Variants in RAB6A observed in about 807,000 individuals in gnomAD.
RAB6A encodes RAB6A, member RAS oncogene family.
In RAB6A, 8 loss-of-function variants were observed where a neutral mutation model predicts 32.3. That is an observed-to-expected ratio of 0.25 (90% CI 0.15 to 0.45). RAB6A has a LOEUF of 0.45. Ranked by LOEUF, RAB6A falls within the 20% of genes least tolerant of loss-of-function variation. The pLI is 1.00. For missense variants in RAB6A, 104 were observed against 249.4 expected, an observed-to-expected ratio of 0.42 and a Z score of 3.93; for synonymous variants, 73 against 82.1, an observed-to-expected ratio of 0.89 and a Z score of 0.60.
chr11:73,703,451 A>T (rs367688764), intron 6 of RAB6A, among the ~76,000 whole-genome samples: 9 of 152,244 alleles, frequency 5.9e-5, no homozygotes, highest in African/African-American at 2.2e-4. Flanking sequence ...TGACAATTAA[A>T]AAATTTCTGG....
chr11:73,759,956 C>CTCGGTG, intron 1 of RAB6A: 2 of 1,151,570 alleles, frequency 1.7e-6, no homozygotes, highest in Admixed American at 2.4e-5. Flanking sequence ...ATGCTCAAGT[C>CTCGGTG]GTCTCCAATT....
In RAB6A at chr11:73,676,709, G is replaced by C. The variant is rs1389193913; in HGVS notation, c.*1189C>G. On this transcript the variant is annotated 3_prime_UTR_variant, in exon 8 of 8. Transcript: ENST00000336083. ...TCCCTCTACTATGTATGCTTTACCT[G>C]ATCTGCCTCTAGGGGCTTACAAGAA... is the stretch of plus-strand genomic sequence containing the variant. 1 of 166,996 alleles carries C rather than the reference G, an allele frequency of 6.0e-6. No homozygotes were observed. The highest frequency in any genetic ancestry group is 1.5e-5 in the Non-Finnish European group (1 of 68,114). The allele number at this position is 166,996 out of a possible 1,614,324, so 10.3% of individuals were successfully genotyped here.
chr11:73,728,412 T>C (rs757569319), intron 2 of RAB6A, among the ~76,000 whole-genome samples: 28 of 152,064 alleles, frequency 1.8e-4, no homozygotes, highest in Non-Finnish European at 2.6e-4. Context: ...AATGATCATG[T>C]GATTTTGTCC....
chr11:73,690,913 C>T (rs1423671776), intron 6 of RAB6A, among the ~76,000 whole-genome samples: 16 of 146,382 alleles, frequency 1.1e-4, no homozygotes, highest in African/African-American at 3.8e-4. Context: ...AAACCCAAAA[C>T]ACGAACAGCC....
chr11:73,710,879 A>G (rs1262393645), intron 5 of RAB6A, among the ~76,000 whole-genome samples: 1 of 151,858 alleles, frequency 6.6e-6, no homozygotes, highest in Non-Finnish European at 1.5e-5. Flanking sequence ...TTCCTTTGGG[A>G]ATAGAGGTGT....
At chr11:73,714,209 A>AAATATATATATATATATATAT (rs35864471) in intron 5 of RAB6A, among the ~76,000 whole-genome samples, 1 of 57,572 alleles carries the variant, frequency 1.7e-5, no homozygotes, top group African/African-American at 6.2e-5. Context: ...AAAAAAAAAA[A>AAATATATATATATATATATAT]ATATATATAT....
intron 1 of RAB6A, among the ~76,000 whole-genome samples, chr11:73,736,824 A>AAAAAAAAAAAAAAAAC (rs1555066487): frequency 9.0e-5 from 13 of 144,596 alleles, no homozygotes; most frequent in East Asian, 2.0e-4. Flanking sequence ...AAAAAAAAAA[A>AAAAAAAAAAAAAAAAC]AACAATTAGC....
chr11:73,692,773 T>C (rs1315465346), intron 6 of RAB6A, among the ~76,000 whole-genome samples: 2 of 118,918 alleles, frequency 1.7e-5, no homozygotes, highest in East Asian at 5.0e-4. Context: ...TGAAACCCTG[T>C]CTCTACTAAA....
intron 1 of RAB6A, among the ~76,000 whole-genome samples, chr11:73,740,236 A>G (rs1946473655): frequency 6.6e-6 from 1 of 152,196 alleles, no homozygotes; most frequent in South Asian, 2.1e-4. Flanking sequence ...ATAAAAAATT[A>G]ATCCGCTATG....
intron 4 of RAB6A, among the ~76,000 whole-genome samples, chr11:73,717,630 G>A (rs556931822): frequency 6.6e-6 from 1 of 152,296 alleles, no homozygotes; most frequent in African/African-American, 2.4e-5. Context: ...TTTTAGTAGA[G>A]ATGGAGTTTC....
Position 73,685,885 on chromosome 11 carries a change from C to CAAAAA in RAB6A, c.496-6170_496-6166dup, listed in dbSNP as rs56270679. Among the ~76,000 whole-genome samples the CAAAAA allele has an allele frequency of 5.5e-3, 566 of 102,898 alleles. 38 individuals carry two copies. The highest frequency in any genetic ancestry group is 0.018 in the African/African-American group (400 of 22,238). The allele number at this position is 102,898 out of a possible 152,430, so 67.5% of individuals were successfully genotyped here. On this transcript the variant is annotated intron_variant, in intron 6 of 7. Coordinates refer to ENST00000336083, the MANE Select transcript of RAB6A (RefSeq NM_198896.2). Reference sequence around the variant, plus strand: ...AGGCAACAAGAGTGAAACTCCGTCTCAAAAAAAAAAAAAAAAAAAAAAAGC... The same window carrying CAAAAA: ...AGGCAACAAGAGTGAAACTCCGTCTCAAAAAAAAAAAAAAAAAAAAAAAAAAAAGC...
At chr11:73,756,799 G>C (rs1011528184) in intron 1 of RAB6A, among the ~76,000 whole-genome samples, 73 of 152,192 alleles carry the variant, frequency 4.8e-4, no homozygotes, top group African/African-American at 1.8e-3. Flanking sequence ...TCAGCCTCCT[G>C]AGTAGCTGGG....
chr11:73,695,199 T>C (rs565529725), intron 6 of RAB6A, among the ~76,000 whole-genome samples: 1 of 151,812 alleles, frequency 6.6e-6, no homozygotes, highest in South Asian at 2.1e-4. Flanking sequence ...TTTACAAAGG[T>C]TTTCAAATTC....
intron 5 of RAB6A, among the ~76,000 whole-genome samples, chr11:73,708,884 C>A (rs768731022): frequency 3.9e-5 from 6 of 152,126 alleles, no homozygotes; most frequent in Non-Finnish European, 8.8e-5. Context: ...GTATTAGATC[C>A]CACTCCCTTC....
At chr11:73,743,221 C>T (rs910605221) in intron 1 of RAB6A, among the ~76,000 whole-genome samples, 1 of 150,586 alleles carries the variant, frequency 6.6e-6, no homozygotes, top group African/African-American at 2.4e-5. Context: ...AGGAGAACTA[C>T]TTGAACCTGG....
intron 1 of RAB6A, among the ~76,000 whole-genome samples, chr11:73,747,667 G>A (rs1212876395): frequency 1.3e-5 from 2 of 152,002 alleles, no homozygotes; most frequent in African/African-American, 4.8e-5. Flanking sequence ...ATCCCACATT[G>A]CATTTAGCTG....
rs557726513 is a variant in RAB6A at position 73,737,455 on chromosome 11, C to A, written c.71-6632G>T. On this transcript the variant is annotated intron_variant, in intron 1 of 7. Transcript: ENST00000336083. Reference sequence around the variant, plus strand: ...CTATGATCACACCACTGCACTCCAGCCTGGGTGACAGAGCAAGACCCTGTT... The same window carrying A: ...CTATGATCACACCACTGCACTCCAGACTGGGTGACAGAGCAAGACCCTGTT... 1.7e-4 allele frequency among the ~76,000 whole-genome samples: 26 copies of A among 152,234 alleles called. No homozygotes were observed. In the East Asian group the frequency reaches 5.0e-3, roughly 29 times the overall value.
At chr11:73,696,804 A>G (rs1360281556) in intron 6 of RAB6A, among the ~76,000 whole-genome samples, 2 of 150,076 alleles carry the variant, frequency 1.3e-5, no homozygotes, top group Middle Eastern at 3.2e-3. Flanking sequence ...CACTCTCCCT[A>G]TGTTGCCCAG....
At chr11:73,730,002 TCCCCATGTGGC>T (rs1946280279) in intron 2 of RAB6A, 2 of 152,446 alleles carry the variant, frequency 1.3e-5, no homozygotes, top group South Asian at 4.1e-4. Flanking sequence ...ACCCAGTGCT[TCCCCATGTGGC>T]CCCCTCTGGC....
Sources: allele counts gnomAD v4.1 joint callset (sites outside exome capture counted in the v4.1 genomes callset), GRCh38; gene constraint gnomAD v4.1.1; transcripts MANE v1.5; gene names NCBI Gene and HGNC (gene_info 2026-07-23, HGNC 2026-07-21).